Variants in REN observed in about 807,000 individuals in gnomAD.
REN encodes angiotensin-forming enzyme.
Under a neutral mutation model 48.6 loss-of-function variants are expected in REN, and 42 were observed. The observed-to-expected ratio is 0.86, with a 90% CI of 0.68 to 1.12. The LOEUF (loss-of-function observed/expected upper bound fraction) is 1.12. Ranked by LOEUF, REN falls within the 50% of genes most tolerant of loss-of-function variation. The pLI is 0.00. For missense variants in REN, 443 were observed against 527.3 expected, an observed-to-expected ratio of 0.84 and a Z score of 1.57; for synonymous variants, 196 against 204.6, an observed-to-expected ratio of 0.96 and a Z score of 0.36.
At chr1:204,165,881 C>A (rs1658341390) in intron 1 of REN, among the ~76,000 whole-genome samples, 1 of 152,194 alleles carries the variant, frequency 6.6e-6, no homozygotes, top group Admixed American at 6.5e-5. Context: ...AGCCACCGCG[C>A]CCAACCACCC....
chr1:204,164,155 C>G (rs577903781), intron 1 of REN, among the ~76,000 whole-genome samples: 1 of 152,328 alleles, frequency 6.6e-6, no homozygotes, highest in African/African-American at 2.4e-5. Flanking sequence ...GATGTTTTTA[C>G]TTTCCTCTAC....
At chr1:204,158,858 C>A (rs968539731) in intron 5 of REN, among the ~76,000 whole-genome samples, 5 of 152,320 alleles carry the variant, frequency 3.3e-5, no homozygotes, top group Non-Finnish European at 5.9e-5. Flanking sequence ...GTGTTCACTG[C>A]TGCACCCCCA....
chr1:204,160,211 C>T (rs1443157264), intron 4 of REN, among the ~76,000 whole-genome samples: 2 of 152,222 alleles, frequency 1.3e-5, no homozygotes. Flanking sequence ...TAAAACTCAG[C>T]CTGACTCTGA....
chr1:204,162,992 G>A (rs894512151), intron 1 of REN, among the ~76,000 whole-genome samples: 36 of 152,202 alleles, frequency 2.4e-4, no homozygotes, highest in African/African-American at 8.7e-4. Context: ...GGCTCACAGG[G>A]ACAAAGGTGA....
chr1:204,157,222 G>T, intron 6 of REN, 139 bp downstream of exon 6: 3 of 1,169,520 alleles, frequency 2.6e-6, no homozygotes, highest in African/African-American at 1.5e-5. Flanking sequence ...AGAGCAGGAA[G>T]GAGAGACAGA....
intron 9 of REN, 109 bp downstream of exon 9, chr1:204,155,711 G>C (rs1047499703): frequency 6.6e-6 from 6 of 909,302 alleles, no homozygotes; most frequent in Admixed American, 4.0e-5. Flanking sequence ...GCACAGCCAA[G>C]TTTGAGAACT....
At chr1:204,160,511 TG>T in intron 4 of REN, 48 bp downstream of exon 4, 1 of 1,280,088 alleles carries the variant, frequency 7.8e-7, no homozygotes, top group Non-Finnish European at 1.1e-6. Context: ...AGGAGAGGCC[TG>T]GGGACAGAAG....
At chr1:204,164,500 C>T (rs1394990706) in intron 1 of REN, among the ~76,000 whole-genome samples, 1 of 151,346 alleles carries the variant, frequency 6.6e-6, no homozygotes, top group African/African-American at 2.4e-5. Context: ...TCTGCTGTCC[C>T]CAGATTGAAA....
chr1:204,156,769 A>G lies in REN; in HGVS notation c.726T>C (p.Ile242=). ...GCTGGGGGTCGCTGCCTCCCAGCAC[A>G]ATCTGTCCTCCCAGCGATTGGGAAT... The part of the protein sequence containing the change: ...SENSQSLGGQ[I]VLGGSDPQHY... The change falls in exon 7 of 10, where the codon ATT becomes ATC. Residue 242 remains isoleucine (I), a synonymous_variant. Transcript: ENST00000272190. The surrounding 1 kb of genome is among the most constrained non-coding windows in gnomAD (Gnocchi z 4.2). 6.2e-7 allele frequency: 1 copy of G among 1,614,058 alleles called. No individual in the cohort carries two copies. Among genetic ancestry groups the G allele is most frequent in the Non-Finnish European group, 8.5e-7 (1 of 1,180,016 alleles).
chr1:204,161,255 G>T (rs199760316), intron 3 of REN, 37 bp downstream of exon 3: 99 of 1,565,310 alleles, frequency 6.3e-5, no homozygotes, highest in Non-Finnish European at 8.6e-5. Flanking sequence ...GTAGGGCAGG[G>T]GGATGGAGGA....
Position 204,156,823 on chromosome 1 carries a change from A to T in REN, c.699-27T>A. On this transcript the variant is annotated intron_variant, in intron 6 of 9. Transcript: ENST00000272190. The surrounding 1 kb of genome is among the most constrained non-coding windows in gnomAD (Gnocchi z 4.2). ...TAAAGGAAAGATCAGAAGCTCTTGG[A>T]AACCCATAACCTCCAGGACCCAGCA... 1 of 1,613,118 alleles carries T rather than the reference A, an allele frequency of 6.2e-7. No individual in the cohort carries two copies.
intron 3 of REN, 85 bp from the exon 4 acceptor site, chr1:204,160,763 G>A (rs987862296): frequency 4.7e-5 from 43 of 919,062 alleles, no homozygotes; most frequent in Non-Finnish European, 7.0e-5. Context: ...GGGTATGGCT[G>A]GTTAGCTTAG....
At chr1:204,164,198 C>T (rs988717293) in intron 1 of REN, among the ~76,000 whole-genome samples, 1 of 152,142 alleles carries the variant, frequency 6.6e-6, no homozygotes, top group African/African-American at 2.4e-5. Flanking sequence ...TTTGAAGCAC[C>T]CATCCTCTTA....
intron 5 of REN, among the ~76,000 whole-genome samples, chr1:204,157,869 A>T (rs1330220341): frequency 9.9e-5 from 15 of 152,158 alleles, no homozygotes; most frequent in Non-Finnish European, 5.9e-5. Flanking sequence ...TCCCATCCCA[A>T]GATAAAAGAA....
At chr1:204,160,785 A>G in intron 3 of REN, 107 bp from the exon 4 acceptor site, 1 of 827,358 alleles carries the variant, frequency 1.2e-6, no homozygotes, top group South Asian at 1.3e-5. Context: ...TGCAGGGATG[A>G]GTGGCCCTAG....
At chr1:204,158,735 C>T (rs1658193425) in intron 5 of REN, among the ~76,000 whole-genome samples, 1 of 152,214 alleles carries the variant, frequency 6.6e-6, no homozygotes, top group African/African-American at 2.4e-5. Flanking sequence ...TGGTTTTCAG[C>T]ACCACACTTG....
intron 5 of REN, among the ~76,000 whole-genome samples, chr1:204,158,968 G>A (rs1348897758): frequency 6.6e-6 from 1 of 152,200 alleles, no homozygotes; most frequent in African/African-American, 2.4e-5. Context: ...GGCTGTCTCT[G>A]TGTGGGAGGA....
chr1:204,155,901 G>T lies in REN; in HGVS notation c.978C>A (p.Asn326Lys), dbSNP rs144517174. The change falls in exon 9 of 10, where the codon AAC (asparagine) becomes AAA (lysine). Residue 326 changes from asparagine (N) to lysine (K), a missense_variant. Transcript: ENST00000272190. Reference protein sequence around the residue: ...KRLFDYVVKCNEGPTLPDISF... With the variant: ...KRLFDYVVKCKEGPTLPDISF... ...AGATGTCGGGGAGTGTAGGGCCCTC[G>T]TTACACTTCACGACATACTGGGGTG... The T allele has an allele frequency of 2.5e-6, 4 of 1,613,676 alleles. No homozygotes were observed. The highest frequency in any genetic ancestry group is 3.4e-6 in the Non-Finnish European group (4 of 1,179,698).
chr1:204,155,726 T>A, intron 9 of REN, 94 bp downstream of exon 9: 1 of 1,006,350 alleles, frequency 9.9e-7, no homozygotes, highest in Non-Finnish European at 1.5e-6. Flanking sequence ...AGAACTACAG[T>A]TCTAACATGA....
Sources: gnomAD v4.1 joint callset for allele counts (sites outside exome capture counted in the v4.1 genomes callset) on GRCh38, gnomAD v4.1.1 for gene constraint, Gnocchi (gnomAD v3.1) non-coding constraint, MANE v1.5 for transcripts, NCBI Gene and HGNC (gene_info 2026-07-23, HGNC 2026-07-21) for gene names.